The following PCDHAC1 variants were observed in gnomAD, a reference collection of about 807,000 sequenced individuals.
The protein encoded by PCDHAC1 is protocadherin alpha subfamily C, 1.
PCDHAC1 carries 42 observed loss-of-function variants against 60.0 expected under a neutral mutation model. The observed-to-expected ratio is 0.70, with a 90% CI of 0.55 to 0.90. The LOEUF (loss-of-function observed/expected upper bound fraction) is 0.90. Ranked by LOEUF, PCDHAC1 falls within the 40% of genes least tolerant of loss-of-function variation. The probability of loss-of-function intolerance (pLI) is 0.00; values close to 1 mark genes in which losing one functional copy is unlikely to be tolerated. For missense variants in PCDHAC1, 1,160 were observed against 1,222.3 expected, an observed-to-expected ratio of 0.95 and a Z score of 0.76; for synonymous variants, 468 against 499.3, an observed-to-expected ratio of 0.94 and a Z score of 0.84.
At chr5:140,999,666 G>A (rs185222092) in intron 3 of PCDHAC1, among the ~76,000 whole-genome samples, 194 of 152,216 alleles carry the variant, frequency 1.3e-3, no homozygotes, top group African/African-American at 4.4e-3. Flanking sequence ...GCTGGGTTGC[G>A]GGGGGCTCAC....
intron 1 of PCDHAC1, among the ~76,000 whole-genome samples, chr5:140,951,140 C>G (rs1322025119): frequency 9.9e-6 from 1 of 100,842 alleles, no homozygotes; most frequent in Non-Finnish European, 2.0e-5. Context: ...TTTCCTTTAT[C>G]TTATTGAATA....
At position 140,926,618 on chromosome 5, in the gene PCDHAC1, G is replaced by T; in HGVS notation, c.-275G>T. On this transcript the variant is annotated 5_prime_UTR_variant, in exon 1 of 4. It adds an upstream start codon to the 5' untranslated region. Coordinates refer to ENST00000253807, the MANE Select transcript of PCDHAC1 (RefSeq NM_018898.5). ...GGGCGGCCTCGTCTCTGCACCCCTA[G>T]GCGGCGCTGCGCTCCTCAACACCCG... The T allele has an allele frequency of 2.6e-6, 1 of 382,578 alleles. No individual in the cohort carries two copies. The highest frequency in any genetic ancestry group is 4.6e-6 in the Non-Finnish European group (1 of 218,844). The allele number at this position is 382,578 out of a possible 1,614,324, so 23.7% of individuals were successfully genotyped here. A position where few individuals can be genotyped will look rare whatever the true frequency, so the allele number is the denominator to read the frequency against.
Position 140,929,177 on chromosome 5 carries a change from T to G in PCDHAC1, c.2285T>G (p.Leu762Arg). 6.2e-7 allele frequency: 1 copy of G among 1,614,172 alleles called. No individual in the cohort carries two copies. The highest frequency in any genetic ancestry group is 8.5e-7 in the Non-Finnish European group (1 of 1,180,016). Residue 762 changes from leucine to arginine, a missense_variant, in exon 1 of 4, where the codon CTT (leucine) becomes CGT (arginine). Around this residue, in one of 3 missense-constraint regions of PCDHAC1, gnomAD observed 1,113 missense variants for 1,163.7 expected, o/e 0.96. Transcript: ENST00000253807. ...QTYLYRASLG[L>R]GSDNNSLLLR... ...TATCTCTATCGGGCCTCTCTGGGACTTGGTTCTGATAATAACAGTTTGCTG... is the reference window on the plus strand; with the variant it reads ...TATCTCTATCGGGCCTCTCTGGGACGTGGTTCTGATAATAACAGTTTGCTG...
intron 1 of PCDHAC1, 73 bp from the exon 2 acceptor site, chr5:140,978,876 A>G: frequency 6.2e-7 from 1 of 1,609,510 alleles, no homozygotes; most frequent in Non-Finnish European, 8.5e-7. Flanking sequence ...GGGAGTAACT[A>G]ATCAATTAGC....
At chr5:140,996,094 T>C (rs1428375932) in intron 3 of PCDHAC1, among the ~76,000 whole-genome samples, 1 of 152,192 alleles carries the variant, frequency 6.6e-6, no homozygotes, top group Non-Finnish European at 1.5e-5. Flanking sequence ...CTAGATTACA[T>C]GGAATGGTAT....
At chr5:140,938,947 A>AT (rs1554212493) in intron 1 of PCDHAC1, among the ~76,000 whole-genome samples, 1 of 152,094 alleles carries the variant, frequency 6.6e-6, no homozygotes, top group Non-Finnish European at 1.5e-5. Flanking sequence ...CATTCTTATA[A>AT]TGCTCTAGTC....
At chr5:140,987,045 C>G (rs1344958949) in intron 3 of PCDHAC1, among the ~76,000 whole-genome samples, 1 of 151,982 alleles carries the variant, frequency 6.6e-6, no homozygotes, top group Non-Finnish European at 1.5e-5. Flanking sequence ...GAAACCCCAT[C>G]TCTACTAAAG....
intron 1 of PCDHAC1, among the ~76,000 whole-genome samples, chr5:140,951,891 C>T (rs913687305): frequency 1.3e-5 from 2 of 152,110 alleles, no homozygotes; most frequent in Non-Finnish European, 2.9e-5. Context: ...TCTCTTCTGC[C>T]TATGAGCCTG....
At chr5:140,994,561 C>T (rs967006511) in intron 3 of PCDHAC1, among the ~76,000 whole-genome samples, 2 of 151,800 alleles carry the variant, frequency 1.3e-5, no homozygotes, top group East Asian at 1.9e-4. Context: ...AAAAATTAGC[C>T]GGGTGTGGTG....
At chr5:140,969,221 C>A (rs1222433541) in intron 1 of PCDHAC1, 1 of 1,614,040 alleles carries the variant, frequency 6.2e-7, no homozygotes, top group African/African-American at 1.3e-5. Context: ...AGGACCAGGG[C>A]CTTCGGGAGC....
intron 3 of PCDHAC1, among the ~76,000 whole-genome samples, chr5:140,988,304 C>T (rs1554250029): frequency 6.6e-6 from 1 of 152,308 alleles, no homozygotes; most frequent in African/African-American, 2.4e-5. Flanking sequence ...GGAGTGCCAG[C>T]TTGGCTTGGC....
Position 140,927,688 on chromosome 5 carries a change from G to C in PCDHAC1, c.796G>C (p.Gly266Arg). 6.2e-7 allele frequency: 1 copy of C among 1,614,062 alleles called. No homozygotes were observed. Among genetic ancestry groups the C allele is most frequent in the Non-Finnish European group, 8.5e-7 (1 of 1,179,938 alleles). Residue 266 changes from glycine to arginine, a missense_variant, in exon 1 of 4, where the codon GGG becomes CGG. Coordinates refer to ENST00000253807, the MANE Select transcript of PCDHAC1 (RefSeq NM_018898.5). ...CTTGGATCCAGATGAAGGGTCCAAT[G>C]GGGAAGTCCAGTACTCCCTAAGCAA... Reference protein sequence around the residue: ...QALDPDEGSNGEVQYSLSNST... With the variant: ...QALDPDEGSNREVQYSLSNST...
intron 1 of PCDHAC1, among the ~76,000 whole-genome samples, chr5:140,943,845 C>A (rs59104695): frequency 3.3e-5 from 5 of 152,226 alleles, no homozygotes; most frequent in Admixed American, 1.3e-4. Flanking sequence ...TGTAAGATGT[C>A]ACAGAAGTCA....
intron 1 of PCDHAC1, among the ~76,000 whole-genome samples, chr5:140,937,959 T>C (rs1344033743): frequency 5.3e-5 from 8 of 152,142 alleles, no homozygotes; most frequent in African/African-American, 1.9e-4. Context: ...TTGTTGAAAG[T>C]ATATAGAAAT....
chr5:140,995,812 G>A (rs2097699173), intron 3 of PCDHAC1, among the ~76,000 whole-genome samples: 1 of 152,202 alleles, frequency 6.6e-6, no homozygotes, highest in Non-Finnish European at 1.5e-5. Flanking sequence ...TTTCTGAAGG[G>A]AGATAGCCTG....
rs2098416892 is a variant in PCDHAC1, at chr5:141,010,305, G to A, written c.*368G>A. ...TGACACTTGCAGGGCAGGCTGAAAA[G>A]TTTTGAGATTGAGCAGCTTGGGAGT... is the stretch of plus-strand genomic sequence containing the variant. On this transcript the variant is annotated 3_prime_UTR_variant, in exon 4 of 4. Coordinates refer to ENST00000253807, the MANE Select transcript of PCDHAC1 (RefSeq NM_018898.5). 1 of 1,548,478 alleles carries A rather than the reference G, an allele frequency of 6.5e-7. No individual in the cohort carries two copies. The highest frequency in any genetic ancestry group is 2.4e-5 in the East Asian group (1 of 40,890).
At chr5:140,933,731 A>G (rs1210438420) in intron 1 of PCDHAC1, among the ~76,000 whole-genome samples, 2 of 151,958 alleles carry the variant, frequency 1.3e-5, no homozygotes, top group East Asian at 1.9e-4. Context: ...CAGCTTTCTT[A>G]AATATTTGGT....
chr5:140,960,849 A>G (rs1347970743), intron 1 of PCDHAC1, among the ~76,000 whole-genome samples: 10 of 152,220 alleles, frequency 6.6e-5, no homozygotes, highest in African/African-American at 2.2e-4. Context: ...TTTAATGGCA[A>G]CTATAAGCCA....
rs115903226 is a variant in PCDHAC1 at position 140,929,361 on chromosome 5, C to A, written c.2433+36C>A. 4,899 of 1,519,562 alleles carry A rather than the reference C, an allele frequency of 3.2e-3. 25 individuals carry two copies. The highest frequency in any genetic ancestry group is 0.019 in the African/African-American group (1,394 of 71,916). 94.1% of individuals were successfully genotyped at this position (1,519,562 alleles called of 1,614,324 possible). On this transcript the variant is annotated intron_variant, in intron 1 of 3. Coordinates refer to ENST00000253807, the MANE Select transcript of PCDHAC1 (RefSeq NM_018898.5). ...TTTATGGAATTTGATTCCTTTGGCC[C>A]GGAGATGGCTGCTAGCTGTGTTTTG...
Sources: gnomAD v4.1 joint callset for allele counts (sites outside exome capture counted in the v4.1 genomes callset) on GRCh38, gnomAD v4.1.1 for gene constraint, gnomAD v4.1.1 regional missense constraint, MANE v1.5 for transcripts, NCBI Gene and HGNC (gene_info 2026-07-23, HGNC 2026-07-21) for gene names.